RBMS3: variants seen among roughly 807,000 people sequenced by gnomAD.
The protein encoded by RBMS3 is RNA-binding motif, single-stranded-interacting protein 3.
A neutral mutation model predicts 66.8 loss-of-function variants in RBMS3; 27 were observed. That is an observed-to-expected ratio of 0.40 (90% CI 0.30 to 0.56). The LOEUF (loss-of-function observed/expected upper bound fraction) is 0.56, where lower values mean the gene tolerates loss of function less well. Ranked by LOEUF, RBMS3 falls within the 20% of genes least tolerant of loss-of-function variation. RBMS3 has a pLI of 0.40. For synonymous variants in RBMS3, 188 were observed against 183.0 expected (o/e 1.03, Z -0.22); for missense variants, 513 against 549.5 (o/e 0.93, Z 0.66).
At chr3:29,643,705 A>G (rs1486010049) in intron 4 of RBMS3, among the ~76,000 whole-genome samples, 2 of 152,110 alleles carry the variant, frequency 1.3e-5, no homozygotes, top group African/African-American at 2.4e-5. Context: ...TTTCTCTATC[A>G]ATGTGGGTGA....
intron 4 of RBMS3, among the ~76,000 whole-genome samples, chr3:29,701,625 G>T (rs541612792): frequency 1.3e-5 from 2 of 152,132 alleles, no homozygotes; most frequent in African/African-American, 4.8e-5. Context: ...TCACGGCCCT[G>T]TGTGAGTTCT....
chr3:29,445,834 C>T (rs1338476051), intron 2 of RBMS3, among the ~76,000 whole-genome samples: 1 of 152,104 alleles, frequency 6.6e-6, no homozygotes, highest in Non-Finnish European at 1.5e-5. Flanking sequence ...ACAGTAGTAT[C>T]TCTTGAGAAA....
intron 6 of RBMS3, among the ~76,000 whole-genome samples, chr3:29,807,179 G>A (rs926043072): frequency 2.6e-5 from 4 of 151,842 alleles, no homozygotes; most frequent in Non-Finnish European, 5.9e-5. Flanking sequence ...AAAATAGTAA[G>A]AACATAAAAC....
At chr3:29,980,228 T>C (rs1010596566) in intron 12 of RBMS3, among the ~76,000 whole-genome samples, 1 of 152,210 alleles carries the variant, frequency 6.6e-6, no homozygotes, top group South Asian at 2.1e-4. Context: ...GCCACACAAA[T>C]GTCTTCTTTT....
chr3:29,558,566 T>C (rs2046435200), intron 3 of RBMS3, among the ~76,000 whole-genome samples: 1 of 152,204 alleles, frequency 6.6e-6, no homozygotes, highest in South Asian at 2.1e-4. Flanking sequence ...GAAGCAGATT[T>C]AGAGTAGTGT....
At chr3:29,791,448 A>G (rs2057009895) in intron 6 of RBMS3, among the ~76,000 whole-genome samples, 1 of 151,826 alleles carries the variant, frequency 6.6e-6, no homozygotes, top group Non-Finnish European at 1.5e-5. Flanking sequence ...AAGAACAAAC[A>G]GTGGTGTGCT....
chr3:29,952,145 T>G (rs1357208944), intron 12 of RBMS3, among the ~76,000 whole-genome samples: 3 of 151,822 alleles, frequency 2.0e-5, no homozygotes, highest in African/African-American at 7.2e-5. Context: ...ATATGCATGA[T>G]AGCAGTAGCA....
intron 6 of RBMS3, among the ~76,000 whole-genome samples, chr3:29,833,409 A>G (rs533988422): frequency 2.6e-5 from 4 of 152,182 alleles, no homozygotes; most frequent in Non-Finnish European, 5.9e-5. Flanking sequence ...TGAATGTGCT[A>G]CAAGAAAACA....
intron 1 of RBMS3, among the ~76,000 whole-genome samples, chr3:29,404,568 A>G (rs1003713066): frequency 1.3e-5 from 2 of 152,108 alleles, no homozygotes; most frequent in East Asian, 3.8e-4. Flanking sequence ...CACTATTTTC[A>G]GAGTAGTGAG....
intron 1 of RBMS3, among the ~76,000 whole-genome samples, chr3:29,398,716 C>A (rs1317518073): frequency 6.6e-6 from 1 of 152,088 alleles, no homozygotes; most frequent in African/African-American, 2.4e-5. Context: ...TTAGTGCTTA[C>A]AAGATCCTTG....
intron 10 of RBMS3, among the ~76,000 whole-genome samples, chr3:29,928,921 A>G (rs1415994753): frequency 1.3e-5 from 2 of 152,234 alleles, no homozygotes; most frequent in South Asian, 2.1e-4. Context: ...GATTGGAATC[A>G]GAAGCTGATG....
At chr3:29,842,418 C>T (rs536175466) in intron 6 of RBMS3, among the ~76,000 whole-genome samples, 1 of 152,078 alleles carries the variant, frequency 6.6e-6, no homozygotes, top group South Asian at 2.1e-4. Context: ...TTGAGCTCAC[C>T]TTTTTAGAGT....
intron 1 of RBMS3, among the ~76,000 whole-genome samples, chr3:29,391,804 C>A (rs530571920): frequency 6.6e-6 from 1 of 152,060 alleles, no homozygotes; most frequent in African/African-American, 2.4e-5. Flanking sequence ...AAAATAGTCA[C>A]CCATATTATA....
chr3:29,351,364 G>T (rs1033125182), intron 1 of RBMS3, among the ~76,000 whole-genome samples: 9 of 152,076 alleles, frequency 5.9e-5, no homozygotes, highest in African/African-American at 2.2e-4. Flanking sequence ...AATTATCCAT[G>T]CATTTACACT....
chr3:29,298,159 G>A (rs1051468030), intron 1 of RBMS3, among the ~76,000 whole-genome samples: 6 of 151,876 alleles, frequency 4.0e-5, no homozygotes, highest in South Asian at 4.1e-4. Flanking sequence ...CATGTGGTAG[G>A]TGTTTAATAA....
chr3:29,333,913 T>A (rs2035805492), intron 1 of RBMS3, among the ~76,000 whole-genome samples: 1 of 152,148 alleles, frequency 6.6e-6, no homozygotes, highest in African/African-American at 2.4e-5. Flanking sequence ...GTCAAGAAAA[T>A]ATAGTAAGAC....
At position 29,675,577 on chromosome 3, in the gene RBMS3, A is replaced by G. The variant is rs779673433; in HGVS notation, c.400-64143A>G. On this transcript the variant is annotated intron_variant, in intron 4 of 14. Coordinates refer to ENST00000383767, the MANE Select transcript of RBMS3 (RefSeq NM_001003793.3). ...ATCTACAAAGCACTTAAAGAAATTT[A>G]CAAGAAAAAATCAAACAACCCCATC... Among the ~76,000 whole-genome samples the G allele has an allele frequency of 1.2e-4, 18 of 152,344 alleles. No individual in the cohort carries two copies. The East Asian group carries it at 3.1e-3, about 26-fold the overall frequency.
At chr3:29,721,880 C>G (rs546358998) in intron 4 of RBMS3, among the ~76,000 whole-genome samples, 1 of 152,254 alleles carries the variant, frequency 6.6e-6, no homozygotes, top group African/African-American at 2.4e-5. Context: ...TCTTCATTCT[C>G]TCTGTACACA....
At chr3:29,730,453 G>C (rs957369616) in intron 4 of RBMS3, among the ~76,000 whole-genome samples, 2 of 152,164 alleles carry the variant, frequency 1.3e-5, no homozygotes, top group African/African-American at 4.8e-5. Flanking sequence ...AGCCTAAGCT[G>C]TCATATTCTA....
Sources: gnomAD v4.1 joint callset for allele counts (sites outside exome capture counted in the v4.1 genomes callset) on GRCh38, gnomAD v4.1.1 for gene constraint, MANE v1.5 for transcripts, NCBI Gene and HGNC (gene_info 2026-07-23, HGNC 2026-07-21) for gene names.